Variants in CTXND1 observed in about 807,000 individuals in gnomAD.
CTXND1 encodes cortexin domain containing 1, also known as cortexin domain-containing 1 protein.
Position 80,239,413 on chromosome 15 carries a change from G to A in CTXND1, c.-218+12594C>T, listed in dbSNP as rs1156342935. Among the ~76,000 whole-genome samples the A allele has an allele frequency of 2.0e-5, 3 of 152,222 alleles. 1 individual carries two copies. The highest frequency in any genetic ancestry group is 1.5e-5 in the Non-Finnish European group (1 of 68,034). ...GTTGCCAAAAGAGATTAACATTTGAGTCAGTGGGCTGGGGAAGGCAGATCC... is the reference window on the plus strand; with the variant it reads ...GTTGCCAAAAGAGATTAACATTTGAATCAGTGGGCTGGGGAAGGCAGATCC... On this transcript the variant is annotated intron_variant, in intron 1 of 2. Transcript: ENST00000560778.
chr15:80,251,017 C>A (rs1390909460), intron 1 of CTXND1, among the ~76,000 whole-genome samples: 2 of 152,106 alleles, frequency 1.3e-5, no homozygotes, highest in African/African-American at 4.8e-5. Context: ...AACTCGAATC[C>A]TCTGATTAGA....
At chr15:80,237,223 T>A (rs1029279427) in intron 1 of CTXND1, among the ~76,000 whole-genome samples, 3 of 150,874 alleles carry the variant, frequency 2.0e-5, no homozygotes, top group East Asian at 2.0e-4. Context: ...TAGTCCCAGC[T>A]ACTTGGGAGG....
At chr15:80,242,618 G>A (rs1317361709) in intron 1 of CTXND1, among the ~76,000 whole-genome samples, 1 of 152,234 alleles carries the variant, frequency 6.6e-6, no homozygotes, top group African/African-American at 2.4e-5. Context: ...TCGGGGCAAA[G>A]CTATGCTATG....
At chr15:80,228,148 A>G (rs530288099) in intron 1 of CTXND1, among the ~76,000 whole-genome samples, 238 of 152,344 alleles carry the variant, frequency 1.6e-3, no homozygotes, top group African/African-American at 5.3e-3. Flanking sequence ...ATTCAGTCAT[A>G]TCTTCAGGCT....
intron 1 of CTXND1, among the ~76,000 whole-genome samples, chr15:80,235,444 C>T (rs562262019): frequency 2.2e-4 from 33 of 152,156 alleles, no homozygotes; most frequent in South Asian, 1.0e-3. Context: ...TTAGCATCTC[C>T]GAAAGAGCTC....
chr15:80,248,177 A>G (rs1893655938), intron 1 of CTXND1, among the ~76,000 whole-genome samples: 1 of 152,014 alleles, frequency 6.6e-6, no homozygotes, highest in South Asian at 2.1e-4. Flanking sequence ...AAATGAACCA[A>G]CTCTAAAGTC....
intron 1 of CTXND1, among the ~76,000 whole-genome samples, chr15:80,213,668 G>C (rs1382098709): frequency 6.6e-6 from 1 of 152,126 alleles, no homozygotes; most frequent in African/African-American, 2.4e-5. Flanking sequence ...AGAAACAACA[G>C]GTTATCCACA....
chr15:80,235,470 C>T (rs181566758), intron 1 of CTXND1, among the ~76,000 whole-genome samples: 166 of 152,288 alleles, frequency 1.1e-3, no homozygotes, highest in African/African-American at 3.9e-3. Context: ...AAATTATGCT[C>T]ATTTGCATAA....
At chr15:80,233,521 C>T (rs749985595) in intron 1 of CTXND1, among the ~76,000 whole-genome samples, 1 of 152,122 alleles carries the variant, frequency 6.6e-6, no homozygotes, top group Non-Finnish European at 1.5e-5. Flanking sequence ...CTCTTGGTGG[C>T]TTCCACAGAA....
chr15:80,209,515 C>T (rs774667978), intron 1 of CTXND1, among the ~76,000 whole-genome samples: 7 of 152,134 alleles, frequency 4.6e-5, no homozygotes, highest in South Asian at 2.1e-4. Flanking sequence ...CTGACCTAGG[C>T]GAATGAGTGA....
chr15:80,225,355 G>GT (rs35411729), intron 1 of CTXND1, among the ~76,000 whole-genome samples: 80,027 of 151,760 alleles, frequency 0.53, 22,436 homozygotes, highest in East Asian at 0.85. Flanking sequence ...GTTTTCATTT[G>GT]TTTTTTCTTC....
At chr15:80,226,145 A>G (rs1374305178) in intron 1 of CTXND1, among the ~76,000 whole-genome samples, 1 of 152,214 alleles carries the variant, frequency 6.6e-6, no homozygotes, top group Non-Finnish European at 1.5e-5. Flanking sequence ...GCTCAAAGCT[A>G]CTATGGAGGA....
At chr15:80,249,704 G>A (rs1043265193) in intron 1 of CTXND1, among the ~76,000 whole-genome samples, 1 of 152,102 alleles carries the variant, frequency 6.6e-6, no homozygotes. Context: ...TCTTCTCCCC[G>A]GTGTCCACAA....
chr15:80,211,251 C>T (rs1301426599), intron 1 of CTXND1, among the ~76,000 whole-genome samples: 2 of 152,218 alleles, frequency 1.3e-5, no homozygotes, highest in Non-Finnish European at 2.9e-5. Context: ...GAGCACGCCA[C>T]TTCTCACTGT....
At chr15:80,226,521 G>T (rs1595907524) in intron 1 of CTXND1, among the ~76,000 whole-genome samples, 2 of 152,114 alleles carry the variant, frequency 1.3e-5, no homozygotes, top group East Asian at 3.9e-4. Context: ...CCTCATTTAG[G>T]AGTCAGTCCA....
intron 1 of CTXND1, among the ~76,000 whole-genome samples, chr15:80,235,575 C>G (rs1893486285): frequency 6.6e-6 from 1 of 152,174 alleles, no homozygotes; most frequent in South Asian, 2.1e-4. Context: ...GTCCCAGTTA[C>G]TATTTTCAGC....
intron 1 of CTXND1, among the ~76,000 whole-genome samples, chr15:80,220,983 A>C (rs920437785): frequency 3.3e-5 from 5 of 149,944 alleles, no homozygotes; most frequent in Admixed American, 6.7e-5. Context: ...ATCTCTGCTC[A>C]CTGCAAGCTC....
chr15:80,224,691 A>G (rs1893354436), intron 1 of CTXND1, among the ~76,000 whole-genome samples: 1 of 152,214 alleles, frequency 6.6e-6, no homozygotes, highest in South Asian at 2.1e-4. Context: ...ACAATGAACA[A>G]GGTATATCTC....
chr15:80,204,146 C>CAAAAAAAA lies in CTXND1; in HGVS notation c.-217-414_-217-407dup, dbSNP rs1173053524. Among the ~76,000 whole-genome samples, 5 of 2,148 alleles carry CAAAAAAAA rather than the reference C, an allele frequency of 2.3e-3. 1 individual carries two copies. Among genetic ancestry groups the CAAAAAAAA allele is most frequent in the Admixed American group, 0.027 (2 of 74 alleles). The allele number at this position is 2,148 out of a possible 152,430, so 1.4% of individuals were successfully genotyped here. On this transcript the variant is annotated intron_variant, in intron 1 of 2. Coordinates refer to ENST00000560778, the MANE Select transcript of CTXND1 (RefSeq NM_001352888.2). ...TGGGCGACAGAGCAAGACTGTGTCT[C>CAAAAAAAA]AAAAAAAAAAAAAAAAAAAAAAAAT...
Sources: gnomAD v4.1 joint callset for allele counts (sites outside exome capture counted in the v4.1 genomes callset) on GRCh38, gnomAD v4.1.1 for gene constraint, MANE v1.5 for transcripts, NCBI Gene and HGNC (gene_info 2026-07-23, HGNC 2026-07-21) for gene names.